The following PCCA variants were observed in gnomAD, a reference collection of about 807,000 sequenced individuals.
PCCA encodes the protein propionyl-CoA carboxylase subunit alpha, also known as propionyl-CoA carboxylase alpha chain, mitochondrial.
A neutral mutation model predicts 101.3 loss-of-function variants in PCCA; 74 were observed. The observed-to-expected ratio is 0.73, with a 90% CI of 0.61 to 0.89. The LOEUF is 0.89. Among genes scored for constraint, PCCA ranks in the 40% least tolerant of loss-of-function variants. The pLI is 0.00. For missense variants in PCCA, 891 were observed against 907.0 expected (o/e 0.98, Z 0.23); for synonymous variants, 294 against 313.6 (o/e 0.94, Z 0.66).
chr13:100,334,893 A>G (rs1369656949), intron 17 of PCCA, among the ~76,000 whole-genome samples: 4 of 152,210 alleles, frequency 2.6e-5, no homozygotes, highest in Non-Finnish European at 5.9e-5. Context: ...CACTGTTCTT[A>G]AGAAAGCCTT....
chr13:100,127,887 G>A (rs868394715), intron 4 of PCCA, among the ~76,000 whole-genome samples: 1 of 151,952 alleles, frequency 6.6e-6, no homozygotes, highest in Admixed American at 6.6e-5. Flanking sequence ...GCTAGACTCC[G>A]TCTCAAAAAA....
rs1375489263 is a variant in PCCA, at chr13:100,244,964, T to TGTGC, written c.637+9087_637+9088insTGCG. 7.0e-4 allele frequency among the ~76,000 whole-genome samples: 100 copies of TGTGC among 142,420 alleles called. 1 individual carries two copies. Among genetic ancestry groups the TGTGC allele is most frequent in the African/African-American group, 2.4e-3 (96 of 39,246 alleles). 93.4% of individuals were successfully genotyped at this position (142,420 alleles called of 152,430 possible). On this transcript the variant is annotated intron_variant, in intron 8 of 23. Coordinates refer to ENST00000376285, the MANE Select transcript of PCCA (RefSeq NM_000282.4). ...GTGTGTGTGTGTGTGTGTGTGTGTGTGCGCAGTAGTAGAGATGTGGATAAA... is the reference window on the plus strand; with the variant it reads ...GTGTGTGTGTGTGTGTGTGTGTGTGTGTGCGCGCAGTAGTAGAGATGTGGATAAA...
chr13:100,501,955 G>A (rs10775030), intron 21 of PCCA, among the ~76,000 whole-genome samples: 1 of 151,800 alleles, frequency 6.6e-6, no homozygotes, highest in Non-Finnish European at 1.5e-5. Flanking sequence ...GCGGTCTGTG[G>A]TTTTACTAGC....
In PCCA at chr13:100,089,117, A is replaced by C. The variant is rs2046021682; in HGVS notation, c.-4A>C. On this transcript the variant is annotated 5_prime_UTR_variant, in exon 1 of 24. Transcript: ENST00000376285. ...CAGCAGAGGGGCGGTCTGCGGGGAC[A>C]ACAATGGCGGGGTTCTGGGTCGGGA... The C allele has an allele frequency of 6.7e-7, 1 of 1,496,602 alleles. No individual in the cohort carries two copies. The highest frequency in any genetic ancestry group is 8.9e-7 in the Non-Finnish European group (1 of 1,119,368). The allele number at this position is 1,496,602 out of a possible 1,614,324, so 92.7% of individuals were successfully genotyped here. A position where few individuals can be genotyped will look rare whatever the true frequency, so the allele number is the denominator to read the frequency against.
chr13:100,114,260 A>G lies in PCCA; in HGVS notation c.300+2199A>G, dbSNP rs138593363. Among the ~76,000 whole-genome samples, 659 of 152,310 alleles carry G rather than the reference A, an allele frequency of 4.3e-3. 5 individuals carry two copies. Among genetic ancestry groups the G allele is most frequent in the African/African-American group, 0.015 (624 of 41,566 alleles). On this transcript the variant is annotated intron_variant, in intron 4 of 23. Transcript: ENST00000376285. ...AGGAGCTCAAACAACTCTATAGGAAAAAAATCTAGTAATTTGATTAAAAAA... is the reference window on the plus strand; with the variant it reads ...AGGAGCTCAAACAACTCTATAGGAAGAAAATCTAGTAATTTGATTAAAAAA...
At chr13:100,359,096 CAA>C (rs35233154) in intron 18 of PCCA, among the ~76,000 whole-genome samples, 1 of 103,776 alleles carries the variant, frequency 9.6e-6, no homozygotes, top group Admixed American at 1.2e-4. Flanking sequence ...CAAGACTCCT[CAA>C]AAAAAAAAAA....
intron 16 of PCCA, among the ~76,000 whole-genome samples, chr13:100,328,312 G>A (rs1377076184): frequency 6.6e-6 from 1 of 151,364 alleles, no homozygotes; most frequent in Non-Finnish European, 1.5e-5. Context: ...GCAGTGAGCC[G>A]AGGTTGCACC....
At chr13:100,278,825 A>G (rs958466134) in intron 12 of PCCA, among the ~76,000 whole-genome samples, 1 of 152,150 alleles carries the variant, frequency 6.6e-6, no homozygotes, top group Non-Finnish European at 1.5e-5. Context: ...GGTCAAGACT[A>G]TCTAAGTACC....
intron 6 of PCCA, among the ~76,000 whole-genome samples, chr13:100,183,504 A>AT (rs971928736): frequency 2.0e-4 from 31 of 152,214 alleles, no homozygotes; most frequent in African/African-American, 7.5e-4. Context: ...ATAGCTGGCC[A>AT]TCGGGGGAAG....
chr13:100,207,194 T>C (rs1341834098), intron 6 of PCCA, among the ~76,000 whole-genome samples: 1 of 152,178 alleles, frequency 6.6e-6, no homozygotes, highest in Non-Finnish European at 1.5e-5. Context: ...ATTTAATTCT[T>C]TAATCAAACT....
chr13:100,097,086 C>T (rs771465066), intron 1 of PCCA, among the ~76,000 whole-genome samples: 44 of 152,276 alleles, frequency 2.9e-4, no homozygotes, highest in South Asian at 1.0e-3. Flanking sequence ...CCTACAGTAT[C>T]TGTAAGGTAT....
At chr13:100,194,914 C>T (rs2058010187) in intron 6 of PCCA, among the ~76,000 whole-genome samples, 1 of 152,054 alleles carries the variant, frequency 6.6e-6, no homozygotes, top group African/African-American at 2.4e-5. Context: ...ATCAAATCTT[C>T]ATTTTTTTGC....
At chr13:100,260,090 A>G (rs1008962402) in intron 9 of PCCA, among the ~76,000 whole-genome samples, 12 of 152,058 alleles carry the variant, frequency 7.9e-5, no homozygotes, top group Non-Finnish European at 1.5e-4. Flanking sequence ...AAAGTGCTAT[A>G]TTTTTTCTTT....
intron 20 of PCCA, among the ~76,000 whole-genome samples, chr13:100,437,475 C>G (rs1025592461): frequency 1.3e-5 from 2 of 151,194 alleles, no homozygotes; most frequent in Admixed American, 1.3e-4. Flanking sequence ...ATTTAGCCAA[C>G]TTTTCTTCAA....
chr13:100,381,255 G>T (rs988365022), intron 19 of PCCA, among the ~76,000 whole-genome samples: 1 of 152,182 alleles, frequency 6.6e-6, no homozygotes, highest in Non-Finnish European at 1.5e-5. Context: ...GGGGCATGGT[G>T]ATGGGCGCCT....
At chr13:100,103,796 C>T (rs970210214) in intron 2 of PCCA, among the ~76,000 whole-genome samples, 62 of 149,414 alleles carry the variant, frequency 4.1e-4, no homozygotes, top group Middle Eastern at 3.6e-3. Flanking sequence ...CCACCACGCC[C>T]GTCTAATTTT....
intron 23 of PCCA, among the ~76,000 whole-genome samples, chr13:100,528,642 T>C (rs1421226677): frequency 1.3e-5 from 2 of 152,186 alleles, no homozygotes; most frequent in Admixed American, 1.3e-4. Flanking sequence ...CCCAGGTGTA[T>C]GCCAGGGGCT....
Position 100,289,693 on chromosome 13 carries a change from A to G in PCCA, c.1066-11767A>G, listed in dbSNP as rs551342592. 1.3e-4 allele frequency among the ~76,000 whole-genome samples: 19 copies of G among 151,988 alleles called. 1 individual carries two copies. Among genetic ancestry groups the G allele is most frequent in the Non-Finnish European group, 2.4e-4 (16 of 67,988 alleles). ...AAATTTTATTTATGTTTATTTTTCT[A>G]TTCAGACAGACGTTTTCTCTGTCAT... On this transcript the variant is annotated intron_variant, in intron 12 of 23. Transcript: ENST00000376285.
chr13:100,246,461 C>T (rs1466917423), intron 8 of PCCA, among the ~76,000 whole-genome samples: 1 of 152,006 alleles, frequency 6.6e-6, no homozygotes, highest in Non-Finnish European at 1.5e-5. Context: ...AGGCACATGC[C>T]ACCACTTTTG....
Sources: allele counts gnomAD v4.1 joint callset (sites outside exome capture counted in the v4.1 genomes callset), GRCh38; gene constraint gnomAD v4.1.1; transcripts MANE v1.5; gene names NCBI Gene and HGNC (gene_info 2026-07-23, HGNC 2026-07-21).